RTN4R: variants seen among roughly 807,000 people sequenced by gnomAD.
RTN4R encodes reticulon-4 receptor.
RTN4R carries 4 observed loss-of-function variants against 27.7 expected under a neutral mutation model. The observed-to-expected ratio is 0.14, with a 90% CI of 0.07 to 0.33. RTN4R has a LOEUF of 0.33. Among genes scored for constraint, RTN4R ranks in the 10% least tolerant of loss-of-function variants. The pLI, the probability that RTN4R is intolerant of heterozygous loss-of-function variation, is 1.00. For synonymous variants in RTN4R, 290 were observed against 305.6 expected (o/e 0.95, Z 0.53); for missense variants, 554 against 671.5 (o/e 0.83, Z 1.93).
intron 1 of RTN4R, among the ~76,000 whole-genome samples, chr22:20,257,154 C>T (rs979626885): frequency 1.3e-5 from 2 of 152,246 alleles, no homozygotes; most frequent in African/African-American, 2.4e-5. Flanking sequence ...GGATGTCCAG[C>T]CCTGGGAGAG....
rs372029905 is a variant in RTN4R at position 20,241,816 on chromosome 22, G to A, written c.1317C>T (p.Gly439=). ...CRLGQAGSGG[G]GTGDSEGSGA... ...CTGAGCCTTCTGAGTCACCAGTCCCGCCACCCCCGCTGCCTGCCTGGCCCA... is the reference window on the plus strand; with the variant it reads ...CTGAGCCTTCTGAGTCACCAGTCCCACCACCCCCGCTGCCTGCCTGGCCCA... The change falls in exon 2 of 2, where the codon GGC becomes GGT. Residue 439 remains glycine (G), a synonymous_variant. Coordinates refer to ENST00000043402, the MANE Select transcript of RTN4R (RefSeq NM_023004.6). 1,353 of 1,586,766 alleles carry A rather than the reference G, an allele frequency of 8.5e-4. 9 individuals are homozygous for A. The highest frequency in any genetic ancestry group is 5.2e-3 in the South Asian group (454 of 88,108).
rs754570266 is a variant in RTN4R, at chr22:20,241,994, T to C, written c.1139A>G (p.Asn380Ser). ...PGNGSGPRHINDSPFGTLPGS... is the reference protein window; with the variant it reads ...PGNGSGPRHISDSPFGTLPGS... ...AGGCAGAGTCCCAAAGGGTGAGTCATTGATGTGCCGTGGGCCAGAGCCGTT... is the reference window on the plus strand; with the variant it reads ...AGGCAGAGTCCCAAAGGGTGAGTCACTGATGTGCCGTGGGCCAGAGCCGTT... The change falls in exon 2 of 2, where the codon AAT (asparagine) becomes AGT (serine). Residue 380 changes from asparagine (N) to serine (S), a missense_variant. Coordinates refer to ENST00000043402, the MANE Select transcript of RTN4R (RefSeq NM_023004.6). 53 of 1,610,460 alleles carry C rather than the reference T, an allele frequency of 3.3e-5. No homozygotes were observed. Among genetic ancestry groups the C allele is most frequent in the African/African-American group, 4.0e-5 (3 of 74,902 alleles).
At chr22:20,262,891 T>C (rs1052270515) in intron 1 of RTN4R, among the ~76,000 whole-genome samples, 1 of 152,094 alleles carries the variant, frequency 6.6e-6, no homozygotes, top group East Asian at 1.9e-4. Context: ...AAAGGCAACA[T>C]CTCAACAAGG....
At chr22:20,267,559 C>A in intron 1 of RTN4R, 2 of 466,828 alleles carry the variant, frequency 4.3e-6, no homozygotes, top group Non-Finnish European at 4.4e-6. Flanking sequence ...CCCTGTCCCC[C>A]ACGCCCTCTA....
Position 20,242,257 on chromosome 22 carries a change from G to T in RTN4R, c.876C>A (p.Arg292=). The T allele has an allele frequency of 1.3e-6, 2 of 1,599,144 alleles. No homozygotes were observed. The highest frequency in any genetic ancestry group is 2.2e-5 in the South Asian group (2 of 89,564). The change falls in exon 2 of 2, where the codon CGC becomes CGA. Residue 292 remains arginine (R), a synonymous_variant. Coordinates refer to ENST00000043402, the MANE Select transcript of RTN4R (RefSeq NM_023004.6). The stretch of plus-strand genomic sequence containing the variant: ...GGCGTTTGAGGTCACGGCCAGCCAG[G>T]CGTTGCGGGAGGCTGCAGGGCACCT... The part of the protein sequence containing the change: ...SSEVPCSLPQ[R]LAGRDLKRLA...
In RTN4R at chr22:20,244,508, C is replaced by T. The variant is rs564412802; in HGVS notation, c.23-1398G>A. ...GCCTGGGGGCCTCCTCTGCCAAACC[C>T]CCTGCCCCAGGGCCATTTGTTGGCT... On this transcript the variant is annotated intron_variant, in intron 1 of 1. Coordinates refer to ENST00000043402, the MANE Select transcript of RTN4R (RefSeq NM_023004.6). Among the ~76,000 whole-genome samples the T allele has an allele frequency of 5.3e-5, 8 of 152,346 alleles. No homozygotes were observed. The East Asian group carries it at 1.2e-3, about 22-fold the overall frequency.
intron 1 of RTN4R, among the ~76,000 whole-genome samples, chr22:20,246,379 G>A (rs1198889678): frequency 6.6e-6 from 1 of 152,172 alleles, no homozygotes; most frequent in Non-Finnish European, 1.5e-5. Context: ...GCCCAGGTGG[G>A]CACCTGCACC....
chr22:20,243,376 G>A (rs1180567642), intron 1 of RTN4R: 1 of 691,020 alleles, frequency 1.4e-6, no homozygotes, highest in South Asian at 1.5e-5. Flanking sequence ...ACACCCAGGA[G>A]CAGCCCACTG....
chr22:20,263,781 G>A (rs1036418847), intron 1 of RTN4R, among the ~76,000 whole-genome samples: 2 of 152,254 alleles, frequency 1.3e-5, no homozygotes, highest in African/African-American at 4.8e-5. Context: ...CCACCTCCTG[G>A]TCTGGCTGCT....
chr22:20,243,039 C>A lies in RTN4R; in HGVS notation c.94G>T (p.Val32Leu). The A allele has an allele frequency of 6.2e-7, 1 of 1,603,642 alleles. No individual in the cohort carries two copies. The highest frequency in any genetic ancestry group is 8.5e-7 in the Non-Finnish European group (1 of 1,179,902). Residue 32 changes from valine (V) to leucine (L), a missense_variant, in exon 2 of 2, where the codon GTA becomes TTA. Physicochemically the swap from Val to Leu is conservative, Grantham distance 32. Coordinates refer to ENST00000043402, the MANE Select transcript of RTN4R (RefSeq NM_023004.6). ...QVAAPCPGAC[V>L]CYNEPKVTTS... Reference sequence around the variant, plus strand: ...GTCACCTTGGGCTCATTGTAGCATACGCAGGCACCTGGGCATGGGGCTGCC... The same window carrying A: ...GTCACCTTGGGCTCATTGTAGCATAAGCAGGCACCTGGGCATGGGGCTGCC...
intron 1 of RTN4R, among the ~76,000 whole-genome samples, chr22:20,261,000 T>C (rs944662051): frequency 6.6e-6 from 1 of 152,128 alleles, no homozygotes; most frequent in Non-Finnish European, 1.5e-5. Flanking sequence ...TCAGCCCCAC[T>C]GTCATTTGGG....
chr22:20,267,571 T>G (rs541987327), intron 1 of RTN4R: 129 of 467,970 alleles, frequency 2.8e-4, no homozygotes, highest in Non-Finnish European at 4.1e-4. Context: ...CGCCCTCTAC[T>G]GCCGCCAACG....
At chr22:20,259,790 T>C (rs2145983036) in intron 1 of RTN4R, among the ~76,000 whole-genome samples, 1 of 152,318 alleles carries the variant, frequency 6.6e-6, no homozygotes, top group African/African-American at 2.4e-5. Flanking sequence ...TCACCCCCGC[T>C]GCCACTCCTA....
chr22:20,247,816 C>A (rs1045456826), intron 1 of RTN4R, among the ~76,000 whole-genome samples: 10 of 152,320 alleles, frequency 6.6e-5, no homozygotes, highest in African/African-American at 2.2e-4. Flanking sequence ...GGTCACTGGA[C>A]CCAGACTGAA....
At chr22:20,267,655 G>A (rs1297453612) in intron 1 of RTN4R, 1 of 466,546 alleles carries the variant, frequency 2.1e-6, no homozygotes, top group Non-Finnish European at 4.4e-6. Flanking sequence ...GGCTGGGGTG[G>A]AGGCGGCCCG....
At position 20,242,210 on chromosome 22, in the gene RTN4R, C is replaced by A; in HGVS notation, c.923G>T (p.Gly308Val). ...LKRLAANDLQ[G>V]CAVATGPYHP... ...GTAAGGGCCGGTGGCCACAGCGCAG[C>A]CCTGCAGGTCATTGGCAGCTAGGCG... is the stretch of plus-strand genomic sequence containing the variant. Residue 308 changes from glycine to valine, a missense_variant, in exon 2 of 2, where the codon GGC (glycine) becomes GTC (valine). Physicochemically the swap from Gly to Val is moderately radical, Grantham distance 109. Around this residue, in one of 2 missense-constraint regions of RTN4R, gnomAD observed 413 missense variants for 542.3 expected, o/e 0.76. Coordinates refer to ENST00000043402, the MANE Select transcript of RTN4R (RefSeq NM_023004.6). 1 of 1,607,974 alleles carries A rather than the reference C, an allele frequency of 6.2e-7. No homozygotes were observed. The highest frequency in any genetic ancestry group is 8.5e-7 in the Non-Finnish European group (1 of 1,177,916).
intron 1 of RTN4R, among the ~76,000 whole-genome samples, chr22:20,253,220 G>A (rs1157965646): frequency 6.6e-6 from 1 of 152,218 alleles, no homozygotes; most frequent in Non-Finnish European, 1.5e-5. Flanking sequence ...CTTCCTCGCT[G>A]CTTCTGCCCA....
intron 1 of RTN4R, among the ~76,000 whole-genome samples, chr22:20,252,693 C>T (rs2051191308): frequency 6.6e-6 from 1 of 152,158 alleles, no homozygotes; most frequent in South Asian, 2.1e-4. Context: ...GGAGGGGCAG[C>T]CACTCTGGGC....
intron 1 of RTN4R, among the ~76,000 whole-genome samples, chr22:20,254,945 A>G (rs2051203683): frequency 6.6e-6 from 1 of 152,234 alleles, no homozygotes; most frequent in Non-Finnish European, 1.5e-5. Context: ...ATTGAGAAGA[A>G]CATTTATGGG....
Sources: gnomAD v4.1 joint callset for allele counts (sites outside exome capture counted in the v4.1 genomes callset) on GRCh38, gnomAD v4.1.1 for gene constraint, gnomAD v4.1.1 regional missense constraint, MANE v1.5 for transcripts, NCBI Gene and HGNC (gene_info 2026-07-23, HGNC 2026-07-21) for gene names.